The following DHX15 variants were observed in gnomAD, a reference collection of about 807,000 sequenced individuals.
The protein encoded by DHX15 is DEAH-box helicase 15.
In DHX15, 11 loss-of-function variants were observed where a neutral mutation model predicts 94.4. The observed-to-expected ratio is 0.12, with a 90% CI of 0.07 to 0.19. The LOEUF (loss-of-function observed/expected upper bound fraction) is 0.19. DHX15 is among the 10% of genes least tolerant of loss of function. The pLI is 1.00. For missense variants in DHX15, 304 were observed against 988.5 expected, an observed-to-expected ratio of 0.31 and a Z score of 9.29; for synonymous variants, 338 against 329.9, an observed-to-expected ratio of 1.02 and a Z score of -0.27.
chr4:24,567,577 CAAAA>C (rs1199812637), intron 3 of DHX15, among the ~76,000 whole-genome samples: 5 of 98,648 alleles, frequency 5.1e-5, no homozygotes, highest in Middle Eastern at 5.7e-3. Context: ...ACTCCGTCTC[CAAAA>C]AAAAAAAAAA....
At chr4:24,530,113 C>A in intron 12 of DHX15, 1 of 354,918 alleles carries the variant, frequency 2.8e-6, no homozygotes, top group East Asian at 7.5e-5. Context: ...CAGGCATGCC[C>A]ATTTGTCTAT....
chr4:24,556,103 G>A (rs1560769257), intron 4 of DHX15, 148 bp downstream of exon 4: 2 of 594,034 alleles, frequency 3.4e-6, no homozygotes, highest in East Asian at 5.8e-5. Context: ...TGAAAGCACA[G>A]CAAAGCAGAA....
intron 1 of DHX15, among the ~76,000 whole-genome samples, chr4:24,583,339 G>GT (rs1273056223): frequency 6.6e-6 from 1 of 152,122 alleles, no homozygotes; most frequent in South Asian, 2.1e-4. Flanking sequence ...AAGAGTTTGT[G>GT]TAAGTATTTC....
intron 10 of DHX15, chr4:24,538,157 C>T (rs1721232779): frequency 1.3e-5 from 2 of 152,086 alleles, no homozygotes; most frequent in African/African-American, 2.4e-5. Context: ...AATAAAAATA[C>T]TTAACAGCTT....
At position 24,546,959 on chromosome 4, in the gene DHX15, T is replaced by G. The variant is rs183718426; in HGVS notation, c.1248+1896A>C. ...TAGACACAAACAGTAAGTTTAAAAT[T>G]ACATATGAACAGTAAAACTTGTATA... On this transcript the variant is annotated intron_variant, in intron 6 of 13. Coordinates refer to ENST00000336812, the MANE Select transcript of DHX15 (RefSeq NM_001358.3). Among the ~76,000 whole-genome samples, 700 of 152,338 alleles carry G rather than the reference T, an allele frequency of 4.6e-3. 7 individuals are homozygous for G. Among genetic ancestry groups the G allele is most frequent in the African/African-American group, 0.016 (681 of 41,580 alleles).
chr4:24,559,831 T>C (rs535092276), intron 3 of DHX15, among the ~76,000 whole-genome samples: 3 of 152,308 alleles, frequency 2.0e-5, no homozygotes, highest in East Asian at 1.9e-4. Flanking sequence ...AGGTGAGGCA[T>C]AGCAATCTGC....
Position 24,576,474 on chromosome 4 carries a change from C to T in DHX15, c.276G>A (p.Thr92=), listed in dbSNP as rs6841898. The T allele has an allele frequency of 0.031, 49,335 of 1,614,048 alleles. 1,229 individuals are homozygous for T. Among genetic ancestry groups the T allele is most frequent in the African/African-American group, 0.11 (8,364 of 74,982 alleles). The stretch of plus-strand genomic sequence containing the variant: ...TTGAATGAGCAGAATGTGTTGAATG[C>T]GTTGAATGTGCTGAGTGGGTTGAGT... ...SAHSTHSAHS[T]HSTHSAHSTH... The change falls in exon 2 of 14, where the codon ACG becomes ACA. Residue 92 remains threonine, a synonymous_variant. Transcript: ENST00000336812.
chr4:24,538,475 G>GCTCTCA (rs1721237725), intron 10 of DHX15: 1 of 152,056 alleles, frequency 6.6e-6, no homozygotes, highest in Non-Finnish European at 1.5e-5. Context: ...AGTTAAGTGG[G>GCTCTCA]AATAAATAAG....
chr4:24,528,065 T>C, intron 13 of DHX15, 24 bp from the exon 14 acceptor site: 1 of 1,558,750 alleles, frequency 6.4e-7, no homozygotes, highest in Non-Finnish European at 8.8e-7. Context: ...GGCAGAAAAA[T>C]TTCCAAATTA....
intron 3 of DHX15, among the ~76,000 whole-genome samples, chr4:24,561,154 G>A (rs1183652683): frequency 6.6e-6 from 1 of 152,166 alleles, no homozygotes; most frequent in Non-Finnish European, 1.5e-5. Context: ...GACAGCAAAT[G>A]TTTCTAATAG....
intron 3 of DHX15, among the ~76,000 whole-genome samples, chr4:24,567,603 C>T: frequency 6.6e-6 from 1 of 151,774 alleles, no homozygotes; most frequent in Non-Finnish European, 1.5e-5. Context: ...AAGTTACAAC[C>T]ACAGACAAAT....
intron 2 of DHX15, among the ~76,000 whole-genome samples, chr4:24,574,286 C>CA (rs1271535128): frequency 6.7e-6 from 1 of 148,360 alleles, no homozygotes; most frequent in Non-Finnish European, 1.5e-5. Context: ...AACAAATCAC[C>CA]AAAAAAAGAC....
chr4:24,533,063 G>A lies in DHX15; in HGVS notation c.1910-9C>T. 6.2e-7 allele frequency: 1 copy of A among 1,612,898 alleles called. No individual in the cohort carries two copies. Among genetic ancestry groups the A allele is most frequent in the Non-Finnish European group, 8.5e-7 (1 of 1,178,918 alleles). ...CTGAACCGATTCATGATCTAAAAAG[G>A]TAGAAGGCGGGGAGAAAAGAAGGCA... On this transcript the variant is annotated splice_polypyrimidine_tract_variant and intron_variant, in intron 11 of 13. Coordinates refer to ENST00000336812, the MANE Select transcript of DHX15 (RefSeq NM_001358.3).
chr4:24,538,125 A>G (rs1721232382), intron 10 of DHX15: 1 of 152,210 alleles, frequency 6.6e-6, no homozygotes, highest in Non-Finnish European at 1.5e-5. Flanking sequence ...TAGCAATTCC[A>G]TAGTCATAAA....
chr4:24,555,387 A>C (rs1032948431), intron 4 of DHX15, among the ~76,000 whole-genome samples: 1 of 152,092 alleles, frequency 6.6e-6, no homozygotes, highest in Non-Finnish European at 1.5e-5. Flanking sequence ...TTCTACTTTC[A>C]GGTTCTCACT....
chr4:24,547,645 CA>C, intron 6 of DHX15, among the ~76,000 whole-genome samples: 1 of 151,838 alleles, frequency 6.6e-6, no homozygotes, highest in Non-Finnish European at 1.5e-5. Flanking sequence ...GATTTCAAGA[CA>C]AATGAAAACT....
At chr4:24,559,141 A>T (rs558300451) in intron 3 of DHX15, among the ~76,000 whole-genome samples, 2 of 152,202 alleles carry the variant, frequency 1.3e-5, no homozygotes, top group South Asian at 4.1e-4. Flanking sequence ...ATGTAAAGAG[A>T]GGGAGATTTG....
Position 24,554,914 on chromosome 4 carries a change from T to C in DHX15, c.891A>G (p.Ala297=). The change falls in exon 5 of 14, where the codon GCA becomes GCG. Residue 297 remains alanine, a synonymous_variant. Coordinates refer to ENST00000336812, the MANE Select transcript of DHX15 (RefSeq NM_001358.3). The part of the protein sequence containing the change: ...KVIVMSATLD[A]GKFQIYFDNC... ...TATCAAAGTAAATCTGGAATTTTCC[T>C]GCATCTAGAGTAGCGCTCATAACTA... The C allele has an allele frequency of 1.9e-6, 3 of 1,613,702 alleles. No homozygotes were observed. The highest frequency in any genetic ancestry group is 1.1e-5 in the South Asian group (1 of 91,082).
At chr4:24,531,070 G>C (rs1442723491) in intron 12 of DHX15, among the ~76,000 whole-genome samples, 2 of 151,440 alleles carry the variant, frequency 1.3e-5, no homozygotes, top group Non-Finnish European at 2.9e-5. Flanking sequence ...GAAGTATAAT[G>C]CTTGAATATA....
Sources: gnomAD v4.1 joint callset for allele counts (sites outside exome capture counted in the v4.1 genomes callset) on GRCh38, gnomAD v4.1.1 for gene constraint, MANE v1.5 for transcripts, NCBI Gene and HGNC (gene_info 2026-07-23, HGNC 2026-07-21) for gene names.